Variants in CDH13 observed in about 807,000 individuals in gnomAD.
CDH13 encodes the protein cadherin-13.
A neutral mutation model predicts 63.8 loss-of-function variants in CDH13; 24 were observed. The ratio of observed to expected loss-of-function variants is 0.38; its 90% CI spans 0.27 to 0.53. The LOEUF is 0.53. Among genes scored for constraint, CDH13 ranks in the 20% least tolerant of loss-of-function variants. The pLI, the probability that CDH13 is intolerant of heterozygous loss-of-function variation, is 0.85. For synonymous variants in CDH13, 503 were observed against 355.3 expected, an observed-to-expected ratio of 1.42 and a Z score of -4.67; for missense variants, 1,049 against 903.1, an observed-to-expected ratio of 1.16 and a Z score of -2.07.
chr16:82,880,957 A>G (rs1363438776), intron 2 of CDH13, among the ~76,000 whole-genome samples: 1 of 152,174 alleles, frequency 6.6e-6, no homozygotes, highest in African/African-American at 2.4e-5. Flanking sequence ...TGTGAGAACA[A>G]TTTTTAAAGC....
chr16:83,244,770 C>T (rs945187180), intron 5 of CDH13, among the ~76,000 whole-genome samples: 4 of 152,172 alleles, frequency 2.6e-5, no homozygotes, highest in Non-Finnish European at 5.9e-5. Flanking sequence ...ACACGGGACA[C>T]ACTTAATTCC....
At chr16:82,851,597 G>T (rs1328387232) in intron 1 of CDH13, among the ~76,000 whole-genome samples, 1 of 152,010 alleles carries the variant, frequency 6.6e-6, no homozygotes, top group Non-Finnish European at 1.5e-5. Flanking sequence ...TGTGTTCCTG[G>T]GGCTGTAAAA....
At chr16:83,172,037 C>A (rs1004020797) in intron 4 of CDH13, among the ~76,000 whole-genome samples, 3 of 152,064 alleles carry the variant, frequency 2.0e-5, no homozygotes, top group African/African-American at 7.2e-5. Context: ...GTCATAATCC[C>A]CAGTAATTCA....
At chr16:83,173,080 C>A (rs1293051077) in intron 4 of CDH13, among the ~76,000 whole-genome samples, 6 of 152,126 alleles carry the variant, frequency 3.9e-5, no homozygotes, top group African/African-American at 7.2e-5. Flanking sequence ...CTAATATTCA[C>A]AAAGCAGTTA....
At chr16:83,296,592 G>C (rs908045396) in intron 5 of CDH13, among the ~76,000 whole-genome samples, 1 of 152,090 alleles carries the variant, frequency 6.6e-6, no homozygotes, top group Admixed American at 6.6e-5. Context: ...ATGTACCCTT[G>C]TGGCTATAAG....
intron 6 of CDH13, among the ~76,000 whole-genome samples, chr16:83,376,125 C>T (rs1597864831): frequency 2.0e-5 from 3 of 152,284 alleles, no homozygotes; most frequent in Middle Eastern, 6.8e-3. Flanking sequence ...TGATAGCAAA[C>T]AAAAATGGCC....
intron 10 of CDH13, among the ~76,000 whole-genome samples, chr16:83,734,579 T>C (rs1911351478): frequency 6.6e-6 from 1 of 150,856 alleles, no homozygotes; most frequent in Non-Finnish European, 1.5e-5. Flanking sequence ...CTGGGGACTG[T>C]TGTGGGGTGG....
intron 8 of CDH13, among the ~76,000 whole-genome samples, chr16:83,629,486 C>A (rs1435449451): frequency 6.6e-6 from 1 of 152,182 alleles, no homozygotes; most frequent in Admixed American, 6.5e-5. Flanking sequence ...ACCCAGGGTT[C>A]TCCAAGGGCT....
chr16:82,646,946 G>C (rs539005112), intron 1 of CDH13, among the ~76,000 whole-genome samples: 1 of 152,186 alleles, frequency 6.6e-6, no homozygotes, highest in Non-Finnish European at 1.5e-5. Context: ...CGTGAGATTG[G>C]ATCAGAGTTA....
chr16:82,802,302 G>A (rs1240851333), intron 1 of CDH13, among the ~76,000 whole-genome samples: 1 of 152,158 alleles, frequency 6.6e-6, no homozygotes, highest in Non-Finnish European at 1.5e-5. Flanking sequence ...GACAACAACA[G>A]TGTCTCCCAC....
chr16:83,561,018 T>G (rs1187056778), intron 7 of CDH13, among the ~76,000 whole-genome samples: 1 of 152,216 alleles, frequency 6.6e-6, no homozygotes, highest in East Asian at 1.9e-4. Flanking sequence ...CTACATTTTC[T>G]GGAGGTTTTT....
chr16:83,537,627 G>T (rs2075219607), intron 7 of CDH13, among the ~76,000 whole-genome samples: 1 of 138,022 alleles, frequency 7.2e-6, no homozygotes, highest in African/African-American at 2.7e-5. Flanking sequence ...AAGCTTCTTA[G>T]ACATTATTTG....
intron 6 of CDH13, among the ~76,000 whole-genome samples, chr16:83,353,370 C>A (rs1163691538): frequency 6.6e-5 from 10 of 151,656 alleles, no homozygotes; most frequent in African/African-American, 2.4e-4. Context: ...CAGGCCCCCA[C>A]CCTGATGGGC....
intron 1 of CDH13, among the ~76,000 whole-genome samples, chr16:82,827,168 A>G (rs2038295211): frequency 6.6e-6 from 1 of 152,192 alleles, no homozygotes; most frequent in East Asian, 1.9e-4. Context: ...ATATAGTAAA[A>G]TGTAGTTGTT....
At chr16:83,021,983 T>A (rs1383278844) in intron 2 of CDH13, among the ~76,000 whole-genome samples, 1 of 152,222 alleles carries the variant, frequency 6.6e-6, no homozygotes, top group Non-Finnish European at 1.5e-5. Context: ...GTGACTAGAA[T>A]GCTGGTGAAA....
At chr16:82,898,247 G>A (rs973603813) in intron 2 of CDH13, among the ~76,000 whole-genome samples, 3 of 152,088 alleles carry the variant, frequency 2.0e-5, no homozygotes, top group African/African-American at 2.4e-5. Flanking sequence ...GAACATGGCC[G>A]GGCGTGGTGG....
chr16:83,157,953 C>T (rs1259735582), intron 4 of CDH13, among the ~76,000 whole-genome samples: 11 of 151,710 alleles, frequency 7.3e-5, no homozygotes, highest in Admixed American at 5.9e-4. Context: ...AGAAATGTGT[C>T]CTCAAAGCTT....
At chr16:82,971,309 C>A (rs527667635) in intron 2 of CDH13, among the ~76,000 whole-genome samples, 2 of 152,330 alleles carry the variant, frequency 1.3e-5, no homozygotes, top group East Asian at 3.9e-4. Flanking sequence ...CCTATTCTCA[C>A]TGTCACTCTC....
At chr16:83,119,872 A>T (rs1467414831) in intron 3 of CDH13, among the ~76,000 whole-genome samples, 1 of 152,186 alleles carries the variant, frequency 6.6e-6, no homozygotes, top group East Asian at 1.9e-4. Flanking sequence ...ATAGAAGTAG[A>T]CACTTGGCCA....
Sources: gnomAD v4.1 joint callset for allele counts (sites outside exome capture counted in the v4.1 genomes callset) on GRCh38, gnomAD v4.1.1 for gene constraint, MANE v1.5 for transcripts, NCBI Gene and HGNC (gene_info 2026-07-23, HGNC 2026-07-21) for gene names.